Variants in DTNA observed in about 807,000 individuals in gnomAD.
DTNA encodes dystrophin-related protein 3.
DTNA carries 43 observed loss-of-function variants against 100.7 expected under a neutral mutation model. The ratio of observed to expected loss-of-function variants is 0.43; its 90% CI spans 0.33 to 0.55. DTNA has a LOEUF of 0.55. Ranked by LOEUF, DTNA falls within the 20% of genes least tolerant of loss-of-function variation. DTNA has a pLI of 0.04. For missense variants in DTNA, 798 were observed against 953.9 expected (o/e 0.84, Z 2.15); for synonymous variants, 349 against 347.9 (o/e 1.00, Z -0.04).
chr18:34,524,887 A>C (rs991983389), intron 1 of DTNA, among the ~76,000 whole-genome samples: 1 of 152,154 alleles, frequency 6.6e-6, no homozygotes, highest in African/African-American at 2.4e-5. Context: ...AAAACCAAGC[A>C]CTTGAAAGCA....
chr18:34,741,928 T>A (rs2090726520), intron 1 of DTNA, among the ~76,000 whole-genome samples: 1 of 152,170 alleles, frequency 6.6e-6, no homozygotes, highest in Admixed American at 6.5e-5. Flanking sequence ...TTATTTAAAT[T>A]TGAGTTCTTT....
intron 1 of DTNA, among the ~76,000 whole-genome samples, chr18:34,579,378 A>T (rs1486190937): frequency 1.3e-5 from 2 of 152,214 alleles, no homozygotes; most frequent in Non-Finnish European, 2.9e-5. Context: ...CCAGATATTT[A>T]GTCATTTATC....
At chr18:34,803,125 C>T (rs989377670) in intron 4 of DTNA, among the ~76,000 whole-genome samples, 1 of 152,132 alleles carries the variant, frequency 6.6e-6, no homozygotes, top group African/African-American at 2.4e-5. Flanking sequence ...GGTGTGCTTG[C>T]CACGACCTAA....
intron 9 of DTNA, among the ~76,000 whole-genome samples, chr18:34,824,214 G>A (rs1031730408): frequency 1.3e-5 from 2 of 152,158 alleles, no homozygotes; most frequent in African/African-American, 2.4e-5. Context: ...AGTGGCTCAC[G>A]CCTGTAATCC....
chr18:34,521,336 A>G (rs1021421639), intron 1 of DTNA, among the ~76,000 whole-genome samples: 9 of 152,106 alleles, frequency 5.9e-5, no homozygotes, highest in Non-Finnish European at 1.3e-4. Flanking sequence ...TTCAATCCAA[A>G]TCACTATTAT....
intron 13 of DTNA, among the ~76,000 whole-genome samples, chr18:34,839,139 AC>A (rs2096216260): frequency 6.6e-6 from 1 of 152,196 alleles, no homozygotes; most frequent in Admixed American, 6.5e-5. Context: ...GTTCTGTGCT[AC>A]GTGTCATGTC....
At chr18:34,776,799 A>T (rs2094077575) in intron 3 of DTNA, among the ~76,000 whole-genome samples, 1 of 152,108 alleles carries the variant, frequency 6.6e-6, no homozygotes, top group Admixed American at 6.5e-5. Flanking sequence ...GCTCCACTGG[A>T]TCAAGTCTTT....
At chr18:34,825,497 C>A (rs936823316) in intron 9 of DTNA, among the ~76,000 whole-genome samples, 1 of 152,158 alleles carries the variant, frequency 6.6e-6, no homozygotes, top group African/African-American at 2.4e-5. Context: ...GGAGCTGTTT[C>A]TTTTACATAA....
chr18:34,750,007 C>A (rs952393658), intron 1 of DTNA, among the ~76,000 whole-genome samples: 3 of 152,130 alleles, frequency 2.0e-5, no homozygotes, highest in African/African-American at 7.2e-5. Flanking sequence ...TTGAAATGGC[C>A]TTCATTGTGG....
At chr18:34,777,437 A>G (rs141358373) in intron 3 of DTNA, among the ~76,000 whole-genome samples, 1 of 152,224 alleles carries the variant, frequency 6.6e-6, no homozygotes, top group African/African-American at 2.4e-5. Context: ...TCAGAAATGA[A>G]AAATATTTAT....
At chr18:34,699,631 G>A (rs1568251927) in intron 1 of DTNA, among the ~76,000 whole-genome samples, 1 of 152,174 alleles carries the variant, frequency 6.6e-6, no homozygotes, top group Admixed American at 6.5e-5. Flanking sequence ...GACAAGCCTG[G>A]CAAGGGAACT....
chr18:34,558,560 A>G (rs1429736880), intron 1 of DTNA, among the ~76,000 whole-genome samples: 3 of 152,230 alleles, frequency 2.0e-5, no homozygotes, highest in African/African-American at 7.2e-5. Context: ...ATACACAAAT[A>G]TGAAATGAAT....
rs1189973097 is a variant in DTNA, at chr18:34,815,856, G to C, written c.604-53G>C. 3.5e-6 allele frequency: 5 copies of C among 1,413,434 alleles called. No individual in the cohort carries two copies. The East Asian group carries it at 6.8e-5, about 19-fold the overall frequency. 87.6% of individuals were successfully genotyped at this position (1,413,434 alleles called of 1,614,324 possible). A position where few individuals can be genotyped will look rare whatever the true frequency, so the allele number is the denominator to read the frequency against. On this transcript the variant is annotated intron_variant, in intron 6 of 22. Transcript: ENST00000444659. Reference sequence around the variant, plus strand: ...CAAATGATATGATATTTACATAGCAGGTAAATTGAGATGATTCTCTGTCCT... The same window carrying C: ...CAAATGATATGATATTTACATAGCACGTAAATTGAGATGATTCTCTGTCCT...
intron 11 of DTNA, among the ~76,000 whole-genome samples, chr18:34,833,001 G>A (rs2096053952): frequency 6.6e-6 from 1 of 152,064 alleles, no homozygotes; most frequent in South Asian, 2.1e-4. Context: ...AGAATCAATA[G>A]AAATGAAAAT....
intron 1 of DTNA, among the ~76,000 whole-genome samples, chr18:34,725,894 T>C (rs1048757017): frequency 7.9e-5 from 12 of 152,176 alleles, no homozygotes; most frequent in South Asian, 2.1e-4. Context: ...GTGGCACATA[T>C]ACACCATGGA....
At chr18:34,753,394 T>A in intron 1 of DTNA, among the ~76,000 whole-genome samples, 1 of 43,756 alleles carries the variant, frequency 2.3e-5, no homozygotes. Flanking sequence ...TTTTTTATTT[T>A]TTTTTTGAGA....
At chr18:34,747,302 C>T (rs1165538846) in intron 1 of DTNA, among the ~76,000 whole-genome samples, 3 of 151,920 alleles carry the variant, frequency 2.0e-5, no homozygotes, top group African/African-American at 2.4e-5. Context: ...CCACTCAACC[C>T]GAGCCATGAA....
At chr18:34,842,344 C>G (rs1307092728) in intron 13 of DTNA, among the ~76,000 whole-genome samples, 1 of 152,132 alleles carries the variant, frequency 6.6e-6, no homozygotes, top group Non-Finnish European at 1.5e-5. Context: ...TTTAAAATTG[C>G]TCCACAATAT....
At chr18:34,697,375 A>T (rs1328556124) in intron 1 of DTNA, among the ~76,000 whole-genome samples, 1 of 152,132 alleles carries the variant, frequency 6.6e-6, no homozygotes, top group Non-Finnish European at 1.5e-5. Context: ...TACCTACATA[A>T]CTGCCTTCTG....
Sources: allele counts gnomAD v4.1 joint callset (sites outside exome capture counted in the v4.1 genomes callset), GRCh38; gene constraint gnomAD v4.1.1; transcripts MANE v1.5; gene names NCBI Gene and HGNC (gene_info 2026-07-23, HGNC 2026-07-21).